The following CACHD1 variants were observed in gnomAD, a reference collection of about 807,000 sequenced individuals.
CACHD1 encodes the protein cache domain containing 1.
CACHD1 carries 71 observed loss-of-function variants against 138.7 expected under a neutral mutation model. That is an observed-to-expected ratio of 0.51 (90% CI 0.42 to 0.62). The LOEUF is 0.62. Ranked by LOEUF, CACHD1 falls within the 20% of genes least tolerant of loss-of-function variation. The pLI, the probability that CACHD1 is intolerant of heterozygous loss-of-function variation, is 0.00. For synonymous variants in CACHD1, 578 were observed against 591.5 expected, an observed-to-expected ratio of 0.98 and a Z score of 0.33; for missense variants, 1,389 against 1,625.3, an observed-to-expected ratio of 0.85 and a Z score of 2.50.
intron 1 of CACHD1, among the ~76,000 whole-genome samples, chr1:64,494,183 A>G (rs755215076): frequency 1.3e-5 from 2 of 152,212 alleles, no homozygotes; most frequent in Non-Finnish European, 2.9e-5. Flanking sequence ...AGCCCTAGTG[A>G]AAGTGGATCA....
chr1:64,618,309 C>T (rs933936474), intron 4 of CACHD1, among the ~76,000 whole-genome samples: 14 of 152,312 alleles, frequency 9.2e-5, no homozygotes, highest in Admixed American at 8.5e-4. Context: ...TACTTCTTGC[C>T]ATCCCACTCA....
intron 23 of CACHD1, among the ~76,000 whole-genome samples, chr1:64,679,300 G>T (rs867427014): frequency 6.6e-6 from 1 of 152,148 alleles, no homozygotes; most frequent in African/African-American, 2.4e-5. Flanking sequence ...GACTCTGTTG[G>T]TGTTGGATGC....
chr1:64,681,446 C>G, intron 25 of CACHD1, 111 bp downstream of exon 25: 2 of 751,174 alleles, frequency 2.7e-6, no homozygotes, highest in Non-Finnish European at 4.2e-6. Context: ...AGCTTTGACA[C>G]GGTGGCTGGG....
Position 64,653,844 on chromosome 1 carries a change from A to G in CACHD1, c.1627A>G (p.Ile543Val). The change falls in exon 11 of 27, where the codon ATT becomes GTT. Residue 543 changes from isoleucine to valine, a missense_variant. Transcript: ENST00000651257. ...LHTDIIHYEN[I>V]PKFELVRQNI... is the part of the protein sequence containing the mutation. The stretch of plus-strand genomic sequence containing the variant: ...TACTGACATCATACATTATGAAAAT[A>G]TTCCAAAATTTGAATTAGTTCGGCA... The G allele has an allele frequency of 6.2e-7, 1 of 1,613,322 alleles. No individual in the cohort carries two copies. Among genetic ancestry groups the G allele is most frequent in the South Asian group, 1.1e-5 (1 of 91,032 alleles).
chr1:64,620,813 T>C (rs2100615077), intron 4 of CACHD1, among the ~76,000 whole-genome samples: 1 of 152,344 alleles, frequency 6.6e-6, no homozygotes, highest in South Asian at 2.1e-4. Context: ...TAATCTTAAA[T>C]GTTTTATTTG....
chr1:64,483,877 T>G (rs61784550), intron 1 of CACHD1, among the ~76,000 whole-genome samples: 3 of 99,342 alleles, frequency 3.0e-5, no homozygotes, highest in Non-Finnish European at 6.1e-5. Flanking sequence ...CCCCCCCCCT[T>G]GCATATAACT....
intron 19 of CACHD1, among the ~76,000 whole-genome samples, chr1:64,674,820 A>T (rs1649931827): frequency 1.3e-5 from 2 of 152,362 alleles, no homozygotes; most frequent in Middle Eastern, 3.4e-3. Flanking sequence ...CAAAATTGGC[A>T]ATTCAAGAAA....
At chr1:64,590,377 G>C (rs1647089818) in intron 3 of CACHD1, among the ~76,000 whole-genome samples, 1 of 151,284 alleles carries the variant, frequency 6.6e-6, no homozygotes, top group Admixed American at 6.6e-5. Flanking sequence ...TGCCTGGAAA[G>C]GAATCTCAGC....
At chr1:64,591,510 A>G (rs1337642775) in intron 3 of CACHD1, among the ~76,000 whole-genome samples, 1 of 152,214 alleles carries the variant, frequency 6.6e-6, no homozygotes, top group East Asian at 1.9e-4. Flanking sequence ...CCATAAGTGA[A>G]GTAAAGAACA....
At chr1:64,592,218 C>T (rs1647112009) in intron 3 of CACHD1, among the ~76,000 whole-genome samples, 1 of 152,166 alleles carries the variant, frequency 6.6e-6, no homozygotes, top group Non-Finnish European at 1.5e-5. Context: ...TTGTTATATG[C>T]ATGATGAATT....
intron 3 of CACHD1, among the ~76,000 whole-genome samples, chr1:64,590,205 C>G (rs972798368): frequency 6.6e-5 from 10 of 151,960 alleles, no homozygotes; most frequent in Admixed American, 4.6e-4. Context: ...GCCTGTAGTC[C>G]CAGCTACTCG....
chr1:64,593,099 T>C (rs188663746), intron 3 of CACHD1, among the ~76,000 whole-genome samples: 1 of 152,338 alleles, frequency 6.6e-6, no homozygotes, highest in Admixed American at 6.5e-5. Flanking sequence ...ATAAACATGC[T>C]GATTTGGAGT....
intron 3 of CACHD1, among the ~76,000 whole-genome samples, chr1:64,583,880 TC>T (rs1378361007): frequency 1.3e-5 from 2 of 152,128 alleles, no homozygotes; most frequent in Non-Finnish European, 2.9e-5. Flanking sequence ...TTCAATCATC[TC>T]CCACTGGGTC....
chr1:64,475,692 G>A (rs549144208), intron 1 of CACHD1, among the ~76,000 whole-genome samples: 32 of 152,146 alleles, frequency 2.1e-4, no homozygotes, highest in African/African-American at 7.2e-4. Flanking sequence ...GTCTACAGAC[G>A]CCTGCCACGA....
intron 6 of CACHD1, among the ~76,000 whole-genome samples, chr1:64,633,445 TGAG>T (rs1648385980): frequency 6.6e-6 from 1 of 152,038 alleles, no homozygotes; most frequent in African/African-American, 2.4e-5. Flanking sequence ...GAGGTTACGC[TGAG>T]GAGGAGAGGG....
chr1:64,537,256 C>T (rs982921305), intron 1 of CACHD1, among the ~76,000 whole-genome samples: 1 of 76,616 alleles, frequency 1.3e-5, no homozygotes, highest in African/African-American at 3.3e-5. Flanking sequence ...CTTATGCTGC[C>T]CTGCCCAGAA....
intron 9 of CACHD1, among the ~76,000 whole-genome samples, chr1:64,649,764 G>A (rs1374997864): frequency 3.3e-5 from 5 of 152,200 alleles, no homozygotes; most frequent in African/African-American, 1.2e-4. Context: ...CAAATCACAT[G>A]TAGAACTTTG....
chr1:64,609,705 C>T (rs1304157521), intron 4 of CACHD1, among the ~76,000 whole-genome samples: 1 of 152,100 alleles, frequency 6.6e-6, no homozygotes, highest in East Asian at 1.9e-4. Flanking sequence ...TACACACTCA[C>T]ACTCATACTA....
intron 2 of CACHD1, among the ~76,000 whole-genome samples, chr1:64,579,132 C>T (rs1646991987): frequency 6.6e-6 from 1 of 152,116 alleles, no homozygotes; most frequent in African/African-American, 2.4e-5. Flanking sequence ...CAGCCGTAAA[C>T]AATATGTAAA....
Sources: gnomAD v4.1 joint callset for allele counts (sites outside exome capture counted in the v4.1 genomes callset) on GRCh38, gnomAD v4.1.1 for gene constraint, MANE v1.5 for transcripts, NCBI Gene and HGNC (gene_info 2026-07-23, HGNC 2026-07-21) for gene names.